Variants in HS2ST1 observed in about 807,000 individuals in gnomAD.
HS2ST1 encodes 2-O-sulfotransferase.
A neutral mutation model predicts 42.9 loss-of-function variants in HS2ST1; 18 were observed. That is an observed-to-expected ratio of 0.42 (90% CI 0.29 to 0.62). The LOEUF (loss-of-function observed/expected upper bound fraction) is 0.62. Ranked by LOEUF, HS2ST1 falls within the 20% of genes least tolerant of loss-of-function variation. HS2ST1 has a pLI of 0.21. For synonymous variants in HS2ST1, 146 were observed against 152.9 expected, an observed-to-expected ratio of 0.95 and a Z score of 0.33; for missense variants, 334 against 433.8, an observed-to-expected ratio of 0.77 and a Z score of 2.04.
chr1:87,024,126 G>A (rs537986141), intron 1 of HS2ST1, among the ~76,000 whole-genome samples: 1 of 152,278 alleles, frequency 6.6e-6, no homozygotes, highest in South Asian at 2.1e-4. Context: ...ACTTTTGGTG[G>A]TGGTTATGCA....
chr1:87,098,655 G>A (rs1450873556), intron 5 of HS2ST1, among the ~76,000 whole-genome samples: 1 of 152,168 alleles, frequency 6.6e-6, no homozygotes, highest in Admixed American at 6.5e-5. Context: ...TTACATCAAA[G>A]CCTCATAATA....
At chr1:86,962,059 G>T (rs1056876455) in intron 1 of HS2ST1, among the ~76,000 whole-genome samples, 13 of 151,890 alleles carry the variant, frequency 8.6e-5, no homozygotes, top group African/African-American at 3.1e-4. Context: ...TGCCATAAAT[G>T]TTCTATACAT....
chr1:86,943,791 T>C (rs1647234260), intron 1 of HS2ST1, among the ~76,000 whole-genome samples: 1 of 152,016 alleles, frequency 6.6e-6, no homozygotes, highest in South Asian at 2.1e-4. Context: ...TTTGGGTGGC[T>C]GAGGCAGGTG....
chr1:86,948,515 T>C (rs1647404048), intron 1 of HS2ST1, among the ~76,000 whole-genome samples: 1 of 152,196 alleles, frequency 6.6e-6, no homozygotes, highest in African/African-American at 2.4e-5. Context: ...ATTTTCAAAG[T>C]AGATTTATTT....
chr1:86,954,640 A>C (rs139211688), intron 1 of HS2ST1, among the ~76,000 whole-genome samples: 2 of 152,220 alleles, frequency 1.3e-5, no homozygotes, highest in African/African-American at 2.4e-5. Context: ...TTCATTGGTT[A>C]GAATTGGCTA....
chr1:86,996,467 A>G (rs1482331651), intron 1 of HS2ST1, among the ~76,000 whole-genome samples: 2 of 150,526 alleles, frequency 1.3e-5, no homozygotes, highest in Non-Finnish European at 2.9e-5. Flanking sequence ...AAAAAAAGTA[A>G]CAGAAGTATG....
chr1:87,045,691 T>C lies in HS2ST1; in HGVS notation c.125-27243T>C, dbSNP rs978030460. 13 of 785,918 alleles carry C rather than the reference T, an allele frequency of 1.7e-5. No individual in the cohort carries two copies. In the African/African-American group the frequency reaches 1.9e-4, roughly 11 times the overall value. The allele number at this position is 785,918 out of a possible 1,614,324, so 48.7% of individuals were successfully genotyped here. A position where few individuals can be genotyped will look rare whatever the true frequency, so the allele number is the denominator to read the frequency against. ...GCAATCACTGCATTAGTAGTAGCAA[T>C]AGCAGGAATAATATTCCCTGCCACT... is the stretch of plus-strand genomic sequence containing the variant. On this transcript the variant is annotated intron_variant, in intron 1 of 6. Coordinates refer to ENST00000370550, the MANE Select transcript of HS2ST1 (RefSeq NM_012262.4).
Position 86,914,807 on chromosome 1 carries a change from G to C in HS2ST1, c.-230G>C, listed in dbSNP as rs1660102657. 3.5e-6 allele frequency: 2 copies of C among 568,010 alleles called. No individual in the cohort carries two copies. The highest frequency in any genetic ancestry group is 3.1e-6 in the Non-Finnish European group (1 of 322,244). 35.2% of individuals were successfully genotyped at this position (568,010 alleles called of 1,614,324 possible). ...TGTTTGCTGCGCGGGCTTTTGGAGG[G>C]GGCGGCCGTTTAGTCGGCTGAGGAG... On this transcript the variant is annotated 5_prime_UTR_variant, in exon 1 of 7. Coordinates refer to ENST00000370550, the MANE Select transcript of HS2ST1 (RefSeq NM_012262.4).
intron 1 of HS2ST1, among the ~76,000 whole-genome samples, chr1:86,980,911 G>A (rs983180803): frequency 6.6e-6 from 1 of 152,140 alleles, no homozygotes; most frequent in Non-Finnish European, 1.5e-5. Context: ...TAATATATGA[G>A]TATATAAAAT....
chr1:86,945,464 T>C (rs957669764), intron 1 of HS2ST1, among the ~76,000 whole-genome samples: 22 of 152,208 alleles, frequency 1.4e-4, no homozygotes, highest in African/African-American at 5.3e-4. Flanking sequence ...TCTGAAGAAA[T>C]TGGGATTTAG....
chr1:86,964,176 TC>T (rs1320769407), intron 1 of HS2ST1, among the ~76,000 whole-genome samples: 3 of 150,980 alleles, frequency 2.0e-5, no homozygotes, highest in Non-Finnish European at 2.9e-5. Flanking sequence ...GAAGAGGCGC[TC>T]CTCACTTCCC....
At chr1:86,917,649 G>A (rs1037266222) in intron 1 of HS2ST1, among the ~76,000 whole-genome samples, 2 of 152,232 alleles carry the variant, frequency 1.3e-5, no homozygotes, top group African/African-American at 4.8e-5. Context: ...ACCCAGGTAT[G>A]TATGATTCCA....
At chr1:87,085,201 A>G (rs4656141) in intron 3 of HS2ST1, among the ~76,000 whole-genome samples, 3 of 151,970 alleles carry the variant, frequency 2.0e-5, no homozygotes, top group Admixed American at 6.6e-5. Flanking sequence ...ACACTAAAAA[A>G]ATTTTTTTTA....
intron 1 of HS2ST1, among the ~76,000 whole-genome samples, chr1:86,968,234 G>T (rs1648118355): frequency 6.6e-6 from 1 of 152,116 alleles, no homozygotes; most frequent in African/African-American, 2.4e-5. Context: ...CATTCTGTGG[G>T]TTGTCTGTAC....
intron 1 of HS2ST1, among the ~76,000 whole-genome samples, chr1:86,945,327 A>G (rs1414112321): frequency 6.6e-6 from 1 of 152,202 alleles, no homozygotes; most frequent in Non-Finnish European, 1.5e-5. Flanking sequence ...GATCATCGAA[A>G]TGAGTTTCTG....
intron 1 of HS2ST1, among the ~76,000 whole-genome samples, chr1:87,008,224 T>C (rs1649496624): frequency 6.6e-6 from 1 of 152,184 alleles, no homozygotes; most frequent in African/African-American, 2.4e-5. Flanking sequence ...TATATTGAGA[T>C]ATAATCAATA....
intron 1 of HS2ST1, among the ~76,000 whole-genome samples, chr1:86,967,571 TACTTC>T (rs1391326271): frequency 6.6e-6 from 1 of 152,218 alleles, no homozygotes; most frequent in Non-Finnish European, 1.5e-5. Flanking sequence ...ATTCCTGAGT[TACTTC>T]ACTTAGAATA....
At chr1:87,000,589 G>T (rs1045282276) in intron 1 of HS2ST1, among the ~76,000 whole-genome samples, 1 of 152,182 alleles carries the variant, frequency 6.6e-6, no homozygotes, top group South Asian at 2.1e-4. Flanking sequence ...CCAAAAAAAT[G>T]ATCCAAAGAG....
intron 1 of HS2ST1, among the ~76,000 whole-genome samples, chr1:86,983,576 CA>C (rs145462635): frequency 0.011 from 1,650 of 152,136 alleles, 31 homozygotes; most frequent in African/African-American, 0.038. Context: ...GACACAAAGC[CA>C]AACCATATTA....
Sources: gnomAD v4.1 joint callset for allele counts (sites outside exome capture counted in the v4.1 genomes callset) on GRCh38, gnomAD v4.1.1 for gene constraint, MANE v1.5 for transcripts, NCBI Gene and HGNC (gene_info 2026-07-23, HGNC 2026-07-21) for gene names.